Variants in ZNF395 observed in about 807,000 individuals in gnomAD.
ZNF395 encodes zinc finger protein 395, also known as HD gene regulatory region-binding protein 2.
In ZNF395, 20 loss-of-function variants were observed where a neutral mutation model predicts 57.7. The ratio of observed to expected loss-of-function variants is 0.35; its 90% CI spans 0.24 to 0.50. The LOEUF is 0.50. Ranked by LOEUF, ZNF395 falls within the 20% of genes least tolerant of loss-of-function variation. The pLI is 0.97. For synonymous variants in ZNF395, 295 were observed against 275.9 expected, an observed-to-expected ratio of 1.07 and a Z score of -0.69; for missense variants, 606 against 671.2, an observed-to-expected ratio of 0.90 and a Z score of 1.07.
chr8:28,384,575 C>G (rs552153684), intron 1 of ZNF395, among the ~76,000 whole-genome samples: 1 of 152,234 alleles, frequency 6.6e-6, no homozygotes, highest in Non-Finnish European at 1.5e-5. Context: ...GGAATCATCT[C>G]TTACACCTTC....
chr8:28,372,811 G>A (rs1801993435), intron 1 of ZNF395, among the ~76,000 whole-genome samples: 1 of 152,120 alleles, frequency 6.6e-6, no homozygotes, highest in African/African-American at 2.4e-5. Context: ...AAAAAAAGAT[G>A]ACTTATGAGG....
At chr8:28,374,438 T>G (rs1455441222) in intron 1 of ZNF395, among the ~76,000 whole-genome samples, 1 of 152,204 alleles carries the variant, frequency 6.6e-6, no homozygotes, top group Non-Finnish European at 1.5e-5. Flanking sequence ...AATGTGTTCG[T>G]GTACTAACTT....
intron 1 of ZNF395, among the ~76,000 whole-genome samples, chr8:28,378,521 G>C (rs1387700913): frequency 6.6e-6 from 1 of 152,164 alleles, no homozygotes. Flanking sequence ...GATTACAGGC[G>C]TGAGTCAATG....
chr8:28,369,762 C>T (rs781290118), intron 1 of ZNF395, among the ~76,000 whole-genome samples: 10 of 152,240 alleles, frequency 6.6e-5, no homozygotes, highest in Non-Finnish European at 1.0e-4. Flanking sequence ...GAGGGACTCA[C>T]CGGAACCCCC....
chr8:28,366,332 A>G (rs1193580455), intron 1 of ZNF395, among the ~76,000 whole-genome samples: 5 of 152,198 alleles, frequency 3.3e-5, no homozygotes, highest in Non-Finnish European at 7.3e-5. Flanking sequence ...ATATTTAACC[A>G]TATCATTCTT....
chr8:28,348,388 T>A lies in ZNF395; in HGVS notation c.*331A>T, dbSNP rs1172501073. On this transcript the variant is annotated 3_prime_UTR_variant, in exon 10 of 10. Transcript: ENST00000344423. ...AAGCAGAACGAGCTGTTCCTTCTTTTGACACGCACAAGCTAATCCCCTAGA... is the reference window on the plus strand; with the variant it reads ...AAGCAGAACGAGCTGTTCCTTCTTTAGACACGCACAAGCTAATCCCCTAGA... The A allele has an allele frequency of 1.5e-5, 4 of 266,104 alleles. No homozygotes were observed. Among genetic ancestry groups the A allele is most frequent in the Non-Finnish European group, 2.9e-5 (4 of 135,706 alleles). The allele number at this position is 266,104 out of a possible 1,614,324, so 16.5% of individuals were successfully genotyped here.
At chr8:28,350,780 C>A (rs1288125897) in intron 7 of ZNF395, among the ~76,000 whole-genome samples, 1 of 152,238 alleles carries the variant, frequency 6.6e-6, no homozygotes, top group Non-Finnish European at 1.5e-5. Context: ...GGCCCACAGA[C>A]TGATAAAATA....
chr8:28,368,896 C>T (rs1320756496), intron 1 of ZNF395, among the ~76,000 whole-genome samples: 5 of 151,988 alleles, frequency 3.3e-5, no homozygotes, highest in East Asian at 1.9e-4. Flanking sequence ...GGTGCAGTGG[C>T]GCCATCTCGG....
intron 5 of ZNF395, 39 bp downstream of exon 5, chr8:28,353,134 G>T: frequency 6.3e-7 from 1 of 1,596,740 alleles, no homozygotes; most frequent in Non-Finnish European, 8.6e-7. Flanking sequence ...GACATCATCC[G>T]CTCCAGCCTG....
chr8:28,351,784 A>G lies in ZNF395; in HGVS notation c.944T>C (p.Phe315Ser). Residue 315 changes from phenylalanine to serine, a missense_variant, in exon 7 of 10, where the codon TTC (phenylalanine) becomes TCC (serine). Transcript: ENST00000344423. Reference protein sequence around the residue: ...HLGDTVDSDQFKREEDFYYTE... With the variant: ...HLGDTVDSDQSKREEDFYYTE... ...GTAGTAGAAATCCTCCTCCCGCTTG[A>G]ACTGATCAGAGTCCACTGTGTCCCT... 1 of 1,571,948 alleles carries G rather than the reference A, an allele frequency of 6.4e-7. No individual in the cohort carries two copies. Among genetic ancestry groups the G allele is most frequent in the Non-Finnish European group, 8.6e-7 (1 of 1,163,464 alleles).
intron 1 of ZNF395, among the ~76,000 whole-genome samples, chr8:28,374,007 T>C (rs80274108): frequency 0.011 from 1,710 of 152,280 alleles, 37 homozygotes; most frequent in African/African-American, 0.038. Context: ...ACAGGTGCTA[T>C]AGAGGTCTGT....
intron 1 of ZNF395, among the ~76,000 whole-genome samples, chr8:28,362,329 T>C (rs960014944): frequency 3.9e-5 from 6 of 152,224 alleles, no homozygotes; most frequent in African/African-American, 9.6e-5. Context: ...AAATTCAGGT[T>C]GCCCTCCTCC....
At chr8:28,366,384 T>C (rs899115098) in intron 1 of ZNF395, among the ~76,000 whole-genome samples, 16 of 152,206 alleles carry the variant, frequency 1.1e-4, no homozygotes, top group African/African-American at 3.4e-4. Flanking sequence ...TTTAAATCTA[T>C]AACATTTTTA....
chr8:28,376,068 G>A (rs933716531), intron 1 of ZNF395, among the ~76,000 whole-genome samples: 2 of 152,078 alleles, frequency 1.3e-5, no homozygotes, highest in Non-Finnish European at 1.5e-5. Flanking sequence ...TAACCTCCCC[G>A]GGTTCAGGTG....
chr8:28,362,195 T>C (rs865854881), intron 1 of ZNF395, among the ~76,000 whole-genome samples: 3 of 151,700 alleles, frequency 2.0e-5, no homozygotes, highest in African/African-American at 7.3e-5. Flanking sequence ...ATGGCAAAGG[T>C]AGTTGGTGCA....
In ZNF395 at chr8:28,346,504, G is replaced by A. The variant is rs1046781457; in HGVS notation, c.*2215C>T. ...GCAGGGAAGGTGGCACCAAAACCTA[G>A]TAAGAACAAAGCAAAACCACCGTGG... On this transcript the variant is annotated 3_prime_UTR_variant, in exon 10 of 10. Coordinates refer to ENST00000344423, the MANE Select transcript of ZNF395 (RefSeq NM_018660.3). 2 of 152,448 alleles carry A rather than the reference G, an allele frequency of 1.3e-5. No individual in the cohort carries two copies. The highest frequency in any genetic ancestry group is 2.9e-5 in the Non-Finnish European group (2 of 68,242). 9.4% of individuals were successfully genotyped at this position (152,448 alleles called of 1,614,324 possible).
chr8:28,382,575 C>A (rs12056907), intron 1 of ZNF395, among the ~76,000 whole-genome samples: 29,059 of 152,060 alleles, frequency 0.19, 4,777 homozygotes, highest in African/African-American at 0.44. Context: ...TTTCCAAGCC[C>A]CACCAGCACA....
chr8:28,385,245 G>A (rs986357884), intron 1 of ZNF395: 2 of 152,704 alleles, frequency 1.3e-5, no homozygotes, highest in Non-Finnish European at 2.9e-5. Flanking sequence ...CCCAAAACCG[G>A]GAGGCGGCGG....
At chr8:28,365,214 T>C (rs1057465697) in intron 1 of ZNF395, 5 of 152,184 alleles carry the variant, frequency 3.3e-5, no homozygotes, top group African/African-American at 9.7e-5. Context: ...CCAAGGGTCT[T>C]TGGGGACTCA....
Sources: allele counts gnomAD v4.1 joint callset (sites outside exome capture counted in the v4.1 genomes callset), GRCh38; gene constraint gnomAD v4.1.1; transcripts MANE v1.5; gene names NCBI Gene and HGNC (gene_info 2026-07-23, HGNC 2026-07-21).